Variants in NAV3 observed in about 807,000 individuals in gnomAD.
The protein encoded by NAV3 is pore membrane and/or filament interacting like protein 1.
NAV3 carries 87 observed loss-of-function variants against 244.7 expected under a neutral mutation model. The ratio of observed to expected loss-of-function variants is 0.36; its 90% CI spans 0.30 to 0.42. The LOEUF (loss-of-function observed/expected upper bound fraction) is 0.42, where lower values mean the gene tolerates loss of function less well. Ranked by LOEUF, NAV3 falls within the 20% of genes least tolerant of loss-of-function variation. The pLI, the probability that NAV3 is intolerant of heterozygous loss-of-function variation, is 1.00. For missense variants in NAV3, 2,663 were observed against 2,893.3 expected (o/e 0.92, Z 1.83); for synonymous variants, 1,126 against 1,042.2 (o/e 1.08, Z -1.55).
At chr12:78,040,163 T>C (rs1029541278) in intron 9 of NAV3, among the ~76,000 whole-genome samples, 1 of 152,186 alleles carries the variant, frequency 6.6e-6, no homozygotes, top group Admixed American at 6.5e-5. Context: ...GGTTTGTAAG[T>C]ACATTTAGTT....
Position 77,928,242 on chromosome 12 carries a change from A to AAAAAAAAG in NAV3, c.244-12076_244-12075insAAAAAAGA, listed in dbSNP as rs753246963. Among the ~76,000 whole-genome samples the AAAAAAAAG allele has an allele frequency of 2.1e-4, 29 of 137,856 alleles. 1 individual carries two copies. Among genetic ancestry groups the AAAAAAAAG allele is most frequent in the African/African-American group, 2.6e-4 (10 of 38,202 alleles). 90.4% of individuals were successfully genotyped at this position (137,856 alleles called of 152,430 possible). A position where few individuals can be genotyped will look rare whatever the true frequency, so the allele number is the denominator to read the frequency against. Reference sequence around the variant, plus strand: ...CGCCTCAAAAAAAAAAAAAAAAAAAAAGAGAGAGAGGGAAGGAAAATGCTG... The same window carrying AAAAAAAAG: ...CGCCTCAAAAAAAAAAAAAAAAAAAAAAAAAAAGAGAGAGAGAGGGAAGGAAAATGCTG... On this transcript the variant is annotated intron_variant, in intron 1 of 39. Transcript: ENST00000397909.
chr12:77,958,107 C>G (rs914491882), intron 3 of NAV3, among the ~76,000 whole-genome samples: 1 of 152,136 alleles, frequency 6.6e-6, no homozygotes, highest in Non-Finnish European at 1.5e-5. Flanking sequence ...AAAATTCTTC[C>G]TCTTCTCATC....
chr12:77,800,205 T>G (rs1360029090), intron 2 of NAV3, among the ~76,000 whole-genome samples: 2 of 110,662 alleles, frequency 1.8e-5, no homozygotes, highest in African/African-American at 5.5e-5. Flanking sequence ...CTAAGCATAG[T>G]AAAGGCCAAA....
rs573007641 is a variant in NAV3, at chr12:77,899,405, C to G, written c.244-40914C>G. On this transcript the variant is annotated intron_variant, in intron 1 of 39. Coordinates refer to ENST00000397909, the MANE Select transcript of NAV3 (RefSeq NM_001024383.2). ...CAGTCACCCCAATTTCATCAACCAC[C>G]ACCCTGATCAATCGGCAGCTGTTGA... Among the ~76,000 whole-genome samples the G allele has an allele frequency of 4.9e-4, 74 of 152,278 alleles. 3 individuals are homozygous for G. The South Asian group carries it at 0.015, about 31-fold the overall frequency.
intron 2 of NAV3, among the ~76,000 whole-genome samples, chr12:77,817,230 A>G (rs1346543300): frequency 6.6e-6 from 1 of 152,220 alleles, no homozygotes; most frequent in African/African-American, 2.4e-5. Flanking sequence ...AGAGAAAATG[A>G]GAGCAAGCAA....
chr12:77,883,232 C>T (rs1264904595), intron 1 of NAV3, among the ~76,000 whole-genome samples: 1 of 151,980 alleles, frequency 6.6e-6, no homozygotes, highest in Non-Finnish European at 1.5e-5. Context: ...AAAGAAAGTA[C>T]AAATATACAC....
intron 2 of NAV3, among the ~76,000 whole-genome samples, chr12:77,610,023 TTCTTTCCTAG>T (rs1308902625): frequency 6.6e-6 from 1 of 152,090 alleles, no homozygotes; most frequent in African/African-American, 2.4e-5. Context: ...GGAAAATTTA[TTCTTTCCTAG>T]TCTTTTTGAT....
At chr12:78,167,781 T>C (rs566053226) in intron 23 of NAV3, among the ~76,000 whole-genome samples, 2 of 151,786 alleles carry the variant, frequency 1.3e-5, no homozygotes, top group Non-Finnish European at 3.0e-5. Flanking sequence ...ATCTGATTTT[T>C]AGGATTATAT....
chr12:77,998,306 T>C (rs780530948), intron 6 of NAV3, 31 bp from the exon 7 acceptor site: 2 of 1,526,140 alleles, frequency 1.3e-6, no homozygotes, highest in Non-Finnish European at 1.8e-6. Flanking sequence ...TAATGTACAA[T>C]AATGATGTAA....
intron 15 of NAV3, among the ~76,000 whole-genome samples, chr12:78,120,679 G>A (rs1955630159): frequency 2.0e-5 from 3 of 152,112 alleles, no homozygotes; most frequent in Non-Finnish European, 1.5e-5. Context: ...ATACCCATGT[G>A]TTTTTAAGTG....
At chr12:77,718,762 A>T (rs1329058395) in intron 2 of NAV3, among the ~76,000 whole-genome samples, 1 of 151,910 alleles carries the variant, frequency 6.6e-6, no homozygotes, top group East Asian at 1.9e-4. Flanking sequence ...GGTTCAAGTG[A>T]TTCTCCTGCC....
chr12:77,776,334 T>G (rs4761398), intron 2 of NAV3, among the ~76,000 whole-genome samples: 147,151 of 152,296 alleles, frequency 0.97, 71,300 homozygotes, highest in East Asian at 1. Flanking sequence ...AAATTTTTTG[T>G]ATACATGTTG....
At chr12:78,091,043 A>G (rs1338178104) in intron 12 of NAV3, among the ~76,000 whole-genome samples, 1 of 151,756 alleles carries the variant, frequency 6.6e-6, no homozygotes, top group East Asian at 1.9e-4. Flanking sequence ...TTACTCAATT[A>G]TAATACTGGG....
chr12:78,158,540 G>C (rs113831449), intron 22 of NAV3, among the ~76,000 whole-genome samples: 2,611 of 152,188 alleles, frequency 0.017, 71 homozygotes, highest in African/African-American at 0.058. Context: ...AAAGCTTACT[G>C]TGAAATAAAA....
At chr12:77,629,121 A>ATTTATATT (rs1871772431) in intron 2 of NAV3, among the ~76,000 whole-genome samples, 1 of 152,206 alleles carries the variant, frequency 6.6e-6, no homozygotes, top group Non-Finnish European at 1.5e-5. Context: ...GTAATACTTC[A>ATTTATATT]TAACAATTTA....
At chr12:77,842,329 A>G (rs1277475502) in intron 1 of NAV3, among the ~76,000 whole-genome samples, 1 of 151,900 alleles carries the variant, frequency 6.6e-6, no homozygotes, top group Non-Finnish European at 1.5e-5. Context: ...CTTCTGTTCC[A>G]ACCTGCTCAT....
chr12:78,037,382 A>T, intron 9 of NAV3: 1 of 697,516 alleles, frequency 1.4e-6, no homozygotes. Flanking sequence ...ACACTGACTT[A>T]TTAGGTAAGT....
At chr12:78,006,258 TA>T (rs142229637) in intron 7 of NAV3, among the ~76,000 whole-genome samples, 160 bp from the exon 8 acceptor site, 8 of 151,390 alleles carry the variant, frequency 5.3e-5, no homozygotes, top group South Asian at 2.1e-4. Context: ...TGAAATATGG[TA>T]AAAAAAAATC....
At chr12:78,066,993 C>G (rs1201160429) in intron 12 of NAV3, among the ~76,000 whole-genome samples, 1 of 152,114 alleles carries the variant, frequency 6.6e-6, no homozygotes, top group Non-Finnish European at 1.5e-5. Flanking sequence ...CATGCCAGTT[C>G]TCATGAAATC....
Sources: allele counts gnomAD v4.1 joint callset (sites outside exome capture counted in the v4.1 genomes callset), GRCh38; gene constraint gnomAD v4.1.1; transcripts MANE v1.5; gene names NCBI Gene and HGNC (gene_info 2026-07-23, HGNC 2026-07-21).